Variants in CDK19 observed in about 807,000 individuals in gnomAD.
The protein encoded by CDK19 is cyclin dependent kinase 19.
Under a neutral mutation model 68.3 loss-of-function variants are expected in CDK19, and 20 were observed. That is an observed-to-expected ratio of 0.29 (90% CI 0.21 to 0.43). The LOEUF is 0.43. CDK19 is among the 20% of genes least tolerant of loss of function. CDK19 has a pLI of 1.00. For missense variants in CDK19, 339 were observed against 623.5 expected (o/e 0.54, Z 4.86); for synonymous variants, 221 against 222.8 (o/e 0.99, Z 0.07).
At chr6:110,771,029 G>A (rs1196823445) in intron 1 of CDK19, among the ~76,000 whole-genome samples, 1 of 152,152 alleles carries the variant, frequency 6.6e-6, no homozygotes, top group East Asian at 1.9e-4. Flanking sequence ...CCCCCCTCCT[G>A]GCTACTTTCA....
At position 110,764,964 on chromosome 6, in the gene CDK19, T is replaced by A. The variant is rs527875645; in HGVS notation, c.129-18763A>T. Among the ~76,000 whole-genome samples the A allele has an allele frequency of 1.2e-3, 183 of 149,078 alleles. 1 individual carries two copies. Among genetic ancestry groups the A allele is most frequent in the Middle Eastern group, 6.9e-3 (2 of 288 alleles). ...AAACTCCATCTCAAAAATAAATAAA[T>A]AAATAAATAAATAAATAAAAATTTT... On this transcript the variant is annotated intron_variant, in intron 1 of 12. Transcript: ENST00000368911.
At position 110,614,598 on chromosome 6, in the gene CDK19, G is replaced by A; in HGVS notation, c.1446C>T (p.Gly482=). The part of the protein sequence containing the change: ...QGSSQSQSTL[G]YSSSSQQSSQ... The stretch of plus-strand genomic sequence containing the variant: ...AGCTCTGCTGAGACGAGGAAGAGTA[G>A]CCAAGTGTGCTCTGGGACTGAGAGG... The change falls in exon 13 of 13, where the codon GGC becomes GGT. Residue 482 remains glycine (G), a synonymous_variant. Transcript: ENST00000368911. The A allele has an allele frequency of 1.9e-6, 3 of 1,613,780 alleles. No homozygotes were observed. Among genetic ancestry groups the A allele is most frequent in the Non-Finnish European group, 2.5e-6 (3 of 1,179,674 alleles).
intron 1 of CDK19, among the ~76,000 whole-genome samples, chr6:110,746,850 A>G (rs1778109045): frequency 6.6e-6 from 1 of 152,250 alleles, no homozygotes; most frequent in South Asian, 2.1e-4. Context: ...AAATCCCAAC[A>G]GTTACTAAGT....
chr6:110,761,162 G>C (rs896019909), intron 1 of CDK19, among the ~76,000 whole-genome samples: 1 of 152,062 alleles, frequency 6.6e-6, no homozygotes, highest in Non-Finnish European at 1.5e-5. Flanking sequence ...TGCCCAGGCT[G>C]GTCTCGAATG....
chr6:110,739,607 T>C (rs2114843252), intron 2 of CDK19, among the ~76,000 whole-genome samples: 1 of 152,036 alleles, frequency 6.6e-6, no homozygotes, highest in African/African-American at 2.4e-5. Flanking sequence ...TCAGGAGTAA[T>C]AATATTTTAT....
At chr6:110,640,138 T>C (rs1174826200) in intron 4 of CDK19, among the ~76,000 whole-genome samples, 1 of 151,128 alleles carries the variant, frequency 6.6e-6, no homozygotes, top group Non-Finnish European at 1.5e-5. Context: ...GAAGGATTGC[T>C]TGAGTCTAGC....
intron 12 of CDK19, among the ~76,000 whole-genome samples, chr6:110,617,595 C>T (rs1778397819): frequency 6.6e-6 from 1 of 150,582 alleles, no homozygotes; most frequent in Admixed American, 6.7e-5. Context: ...ACCAGCCTGA[C>T]CAACATGGCG....
intron 1 of CDK19, among the ~76,000 whole-genome samples, chr6:110,760,104 G>A (rs1221424134): frequency 6.6e-6 from 1 of 151,988 alleles, no homozygotes; most frequent in Non-Finnish European, 1.5e-5. Context: ...CCGACTAAAA[G>A]CCTCAACTAG....
At chr6:110,691,157 A>C (rs1001534949) in intron 2 of CDK19, among the ~76,000 whole-genome samples, 1 of 152,158 alleles carries the variant, frequency 6.6e-6, no homozygotes, top group Non-Finnish European at 1.5e-5. Context: ...TGAATGAAAA[A>C]TTTTCTAAGA....
intron 2 of CDK19, among the ~76,000 whole-genome samples, chr6:110,672,946 A>G (rs1401138808): frequency 2.0e-5 from 3 of 151,902 alleles, no homozygotes; most frequent in Non-Finnish European, 4.4e-5. Context: ...CATTTCAACC[A>G]TTTTTAAGTA....
chr6:110,792,477 A>G (rs1205300983), intron 1 of CDK19, among the ~76,000 whole-genome samples: 1 of 151,908 alleles, frequency 6.6e-6, no homozygotes, highest in African/African-American at 2.4e-5. Context: ...GCACAATCTC[A>G]GCTCACTGCA....
chr6:110,809,577 A>G (rs1263442509), intron 1 of CDK19, among the ~76,000 whole-genome samples: 3 of 152,232 alleles, frequency 2.0e-5, no homozygotes, highest in Non-Finnish European at 4.4e-5. Context: ...CATTTCTTAG[A>G]AAAAATACAT....
chr6:110,692,627 A>C (rs1773107505), intron 2 of CDK19, among the ~76,000 whole-genome samples: 1 of 152,326 alleles, frequency 6.6e-6, no homozygotes, highest in Non-Finnish European at 1.5e-5. Context: ...CAAATATAAG[A>C]AGCACAAAGA....
chr6:110,746,558 TTC>T (rs1258655360), intron 1 of CDK19, among the ~76,000 whole-genome samples: 8 of 152,212 alleles, frequency 5.3e-5, no homozygotes, highest in Middle Eastern at 6.3e-3. Context: ...AACAAAAGCA[TTC>T]TGTTATAGAC....
At chr6:110,730,608 A>T (rs1362413021) in intron 2 of CDK19, among the ~76,000 whole-genome samples, 1 of 152,196 alleles carries the variant, frequency 6.6e-6, no homozygotes, top group Non-Finnish European at 1.5e-5. Context: ...AGATTGGAAT[A>T]ATTTTTCTAG....
chr6:110,750,529 C>CA (rs1241680142), intron 1 of CDK19, among the ~76,000 whole-genome samples: 1 of 152,138 alleles, frequency 6.6e-6, no homozygotes, highest in Non-Finnish European at 1.5e-5. Context: ...TTGGCTGATG[C>CA]AAGGATGATG....
chr6:110,708,956 A>C lies in CDK19; in HGVS notation c.204+37170T>G, dbSNP rs1324212086. ...CTAACCGAATCCAGCAGCACATCAA[A>C]AAGCTTATCCAAAGCTTATCTACCA... is the stretch of plus-strand genomic sequence containing the variant. On this transcript the variant is annotated intron_variant, in intron 2 of 12. Transcript: ENST00000368911. Among the ~76,000 whole-genome samples, 4 of 152,340 alleles carry C rather than the reference A, an allele frequency of 2.6e-5. No individual in the cohort carries two copies. The East Asian group carries it at 7.7e-4, about 29-fold the overall frequency.
intron 2 of CDK19, among the ~76,000 whole-genome samples, chr6:110,732,514 C>T (rs1468223204): frequency 6.6e-6 from 1 of 151,954 alleles, no homozygotes; most frequent in African/African-American, 2.4e-5. Flanking sequence ...CCAGCGTGGG[C>T]AACAAGGCAA....
chr6:110,724,258 G>A (rs1053238515), intron 2 of CDK19, among the ~76,000 whole-genome samples: 1 of 152,138 alleles, frequency 6.6e-6, no homozygotes, highest in East Asian at 1.9e-4. Context: ...GGAAGGCTGA[G>A]GCAGGAGAAT....
Sources: gnomAD v4.1 joint callset for allele counts (sites outside exome capture counted in the v4.1 genomes callset) on GRCh38, gnomAD v4.1.1 for gene constraint, MANE v1.5 for transcripts, NCBI Gene and HGNC (gene_info 2026-07-23, HGNC 2026-07-21) for gene names.